IL15: variants seen among roughly 807,000 people sequenced by gnomAD.
IL15 encodes interleukin 15.
In IL15, 11 loss-of-function variants were observed where a neutral mutation model predicts 19.6. The ratio of observed to expected loss-of-function variants is 0.56; its 90% CI spans 0.35 to 0.93. The LOEUF is 0.93. Ranked by LOEUF, IL15 falls within the 40% of genes least tolerant of loss-of-function variation. IL15 has a pLI of 0.01. For missense variants in IL15, 197 were observed against 186.5 expected (o/e 1.06, Z -0.33); for synonymous variants, 58 against 59.6 (o/e 0.97, Z 0.12).
At chr4:141,670,926 G>T (rs571504684) in intron 2 of IL15, among the ~76,000 whole-genome samples, 1 of 152,286 alleles carries the variant, frequency 6.6e-6, no homozygotes, top group South Asian at 2.1e-4. Context: ...GTATGGAGAA[G>T]AAAGACGTTG....
chr4:141,711,002 A>G (rs917845217), intron 2 of IL15, among the ~76,000 whole-genome samples: 4 of 152,106 alleles, frequency 2.6e-5, no homozygotes. Context: ...GTTTCCTAGC[A>G]TTGCGACTGA....
At position 141,720,515 on chromosome 4, in the gene IL15, TTCTAA is replaced by T; in HGVS notation, c.60_64del (p.Leu21GlnfsTer6). 6.2e-7 allele frequency: 1 copy of T among 1,602,762 alleles called. No individual in the cohort carries two copies. Among genetic ancestry groups the T allele is most frequent in the Non-Finnish European group, 8.5e-7 (1 of 1,170,078 alleles). On this transcript the variant is annotated frameshift_variant, in exon 4 of 8. Transcript: ENST00000320650. LOFTEE classifies it high-confidence loss of function. Reference sequence around the variant, plus strand: ...TCCATCCAGTGCTACTTGTGTTTACTTCTAAACAGTCATTTTCTAACTGAAGCTGG... The same window carrying T: ...TCCATCCAGTGCTACTTGTGTTTACTACAGTCATTTTCTAACTGAAGCTGG...
intron 1 of IL15, among the ~76,000 whole-genome samples, chr4:141,643,169 C>A (rs1727109420): frequency 6.6e-6 from 1 of 152,170 alleles, no homozygotes. Flanking sequence ...ATTATCTGCT[C>A]AAGGACATAA....
chr4:141,676,647 C>T (rs1728359561), intron 2 of IL15, among the ~76,000 whole-genome samples: 1 of 152,004 alleles, frequency 6.6e-6, no homozygotes, highest in African/African-American at 2.4e-5. Context: ...TTGAACAAGC[C>T]ATGAAGGCCA....
intron 2 of IL15, among the ~76,000 whole-genome samples, chr4:141,676,670 A>C (rs1728360935): frequency 6.6e-6 from 1 of 152,214 alleles, no homozygotes. Context: ...AGCCCAAAGC[A>C]ATAAATTCCT....
intron 2 of IL15, among the ~76,000 whole-genome samples, chr4:141,682,453 T>C (rs772890816): frequency 4.6e-5 from 7 of 152,228 alleles, no homozygotes; most frequent in Non-Finnish European, 1.0e-4. Context: ...AATAAAGTAC[T>C]AGCTAGAATA....
chr4:141,729,829 T>C lies in IL15; in HGVS notation c.241-18T>C. 7.1e-7 allele frequency: 1 copy of C among 1,412,450 alleles called. No homozygotes were observed. 87.5% of individuals were successfully genotyped at this position (1,412,450 alleles called of 1,614,324 possible). ...TAATCAGAAAAAAGTAATTGTTCTT[T>C]ATAACTTTTATTTTTAGCCCAGTTG... On this transcript the variant is annotated intron_variant, in intron 6 of 7. Transcript: ENST00000320650.
chr4:141,724,076 G>T (rs1407359071), intron 5 of IL15, among the ~76,000 whole-genome samples: 2 of 152,028 alleles, frequency 1.3e-5, no homozygotes, highest in South Asian at 2.1e-4. Flanking sequence ...AGCCATAAAA[G>T]AAACTTTAAA....
intron 2 of IL15, among the ~76,000 whole-genome samples, chr4:141,682,570 T>C (rs1033308283): frequency 1.3e-5 from 2 of 151,820 alleles, no homozygotes; most frequent in Non-Finnish European, 2.9e-5. Context: ...AACGGAGACT[T>C]TTTTCTCTTT....
rs72615958 is a variant in IL15, at chr4:141,666,734, C to G, written c.-100+10427C>G. ...CTAAAAATATACTCTCATCTTCCCC[C>G]CTTTGTGTCTTGGAGCTGGCCGTGA... is the stretch of plus-strand genomic sequence containing the variant. On this transcript the variant is annotated intron_variant, in intron 2 of 7. Coordinates refer to ENST00000320650, the MANE Select transcript of IL15 (RefSeq NM_000585.5). Among the ~76,000 whole-genome samples, 3,041 of 152,106 alleles carry G rather than the reference C, an allele frequency of 0.02. 301 individuals are homozygous for G. In the East Asian group the frequency reaches 0.32, roughly 16 times the overall value.
intron 1 of IL15, among the ~76,000 whole-genome samples, chr4:141,638,302 A>G (rs952107230): frequency 5.3e-5 from 8 of 152,228 alleles, no homozygotes; most frequent in Admixed American, 2.6e-4. Context: ...AAGGTTTGTT[A>G]TGATTGTCTT....
chr4:141,650,860 T>G (rs2152155758), intron 1 of IL15, among the ~76,000 whole-genome samples: 1 of 152,122 alleles, frequency 6.6e-6, no homozygotes, highest in African/African-American at 2.4e-5. Context: ...AGACATAAAG[T>G]ACCTTGCTAG....
intron 1 of IL15, among the ~76,000 whole-genome samples, chr4:141,652,625 A>G (rs1284630607): frequency 6.6e-6 from 1 of 152,104 alleles, no homozygotes; most frequent in African/African-American, 2.4e-5. Flanking sequence ...ATGTGAAGCT[A>G]AGTATTTGGA....
chr4:141,728,964 T>C (rs1176039411), intron 6 of IL15, among the ~76,000 whole-genome samples: 3 of 152,132 alleles, frequency 2.0e-5, no homozygotes, highest in African/African-American at 7.2e-5. Context: ...TTTAGAAGTT[T>C]AGATTTTAAA....
chr4:141,708,239 G>C (rs1462075627), intron 2 of IL15, among the ~76,000 whole-genome samples: 6 of 152,194 alleles, frequency 3.9e-5, no homozygotes, highest in Non-Finnish European at 7.3e-5. Context: ...TGCCATGTGA[G>C]TTTGGACACT....
intron 2 of IL15, among the ~76,000 whole-genome samples, chr4:141,662,343 G>A (rs1727821179): frequency 6.6e-6 from 1 of 152,190 alleles, no homozygotes; most frequent in Non-Finnish European, 1.5e-5. Flanking sequence ...AAGCCTTAAA[G>A]CTGTGATTTT....
chr4:141,673,481 C>T (rs746450710), intron 2 of IL15, among the ~76,000 whole-genome samples: 144 of 152,168 alleles, frequency 9.5e-4, no homozygotes, highest in Non-Finnish European at 5.3e-4. Context: ...GTATCTTACT[C>T]ATCACTCTCC....
chr4:141,674,530 G>A (rs1031674375), intron 2 of IL15, among the ~76,000 whole-genome samples: 1 of 151,852 alleles, frequency 6.6e-6, no homozygotes, highest in South Asian at 2.1e-4. Context: ...AGATTGCAGT[G>A]AGCCAAGATC....
chr4:141,684,738 C>T (rs1186129867), intron 2 of IL15, among the ~76,000 whole-genome samples: 1 of 152,116 alleles, frequency 6.6e-6, no homozygotes, highest in Non-Finnish European at 1.5e-5. Flanking sequence ...TCTCCATTTG[C>T]AGCAGTGTTG....
Sources: allele counts gnomAD v4.1 joint callset (sites outside exome capture counted in the v4.1 genomes callset), GRCh38; gene constraint gnomAD v4.1.1; transcripts MANE v1.5; gene names NCBI Gene and HGNC (gene_info 2026-07-23, HGNC 2026-07-21).